The following PPP3CB variants were observed in gnomAD, a reference collection of about 807,000 sequenced individuals.
PPP3CB encodes the protein serine/threonine-protein phosphatase 2B catalytic subunit beta isoform.
A neutral mutation model predicts 66.4 loss-of-function variants in PPP3CB; 8 were observed. The observed-to-expected ratio is 0.12, with a 90% confidence interval of 0.07 to 0.22. PPP3CB has a LOEUF of 0.22. Ranked by LOEUF, PPP3CB falls within the 10% of genes least tolerant of loss-of-function variation. The probability of loss-of-function intolerance (pLI) is 1.00; values close to 1 mark genes in which losing one functional copy is unlikely to be tolerated. For missense variants in PPP3CB, 319 were observed against 642.5 expected, an observed-to-expected ratio of 0.50 and a Z score of 5.44; for synonymous variants, 208 against 221.2, an observed-to-expected ratio of 0.94 and a Z score of 0.53.
chr10:73,487,709 G>T (rs1241620448), intron 1 of PPP3CB, among the ~76,000 whole-genome samples: 1 of 151,446 alleles, frequency 6.6e-6, no homozygotes, highest in Admixed American at 6.6e-5. Context: ...TTTATTCATA[G>T]TTGACCAAGT....
intron 10 of PPP3CB, among the ~76,000 whole-genome samples, chr10:73,449,293 G>A (rs911829901): frequency 6.6e-6 from 1 of 152,170 alleles, no homozygotes; most frequent in Non-Finnish European, 1.5e-5. Flanking sequence ...TCCTAAATCT[G>A]AATTGCAGAA....
chr10:73,483,603 G>A (rs1009643965), intron 1 of PPP3CB, among the ~76,000 whole-genome samples: 10 of 152,058 alleles, frequency 6.6e-5, no homozygotes, highest in Admixed American at 5.9e-4. Context: ...GTTGCAGTGG[G>A]CCGAGATCAT....
chr10:73,487,927 C>T (rs1188731854), intron 1 of PPP3CB, among the ~76,000 whole-genome samples: 3 of 151,756 alleles, frequency 2.0e-5, no homozygotes, highest in Non-Finnish European at 4.4e-5. Context: ...ATTACAGGCG[C>T]CCACCATCAC....
intron 13 of PPP3CB, among the ~76,000 whole-genome samples, chr10:73,439,656 A>T (rs1036354356): frequency 3.3e-5 from 5 of 152,182 alleles, no homozygotes; most frequent in Non-Finnish European, 7.3e-5. Context: ...ATTACACCGG[A>T]AAGAAGAAAA....
At chr10:73,457,826 T>C (rs1024792219) in intron 9 of PPP3CB, among the ~76,000 whole-genome samples, 4 of 151,520 alleles carry the variant, frequency 2.6e-5, no homozygotes, top group African/African-American at 9.7e-5. Flanking sequence ...GACTTGCATA[T>C]AGAATATCTA....
intron 10 of PPP3CB, among the ~76,000 whole-genome samples, chr10:73,449,232 C>A (rs1051714200): frequency 6.6e-6 from 1 of 152,174 alleles, no homozygotes; most frequent in Non-Finnish European, 1.5e-5. Flanking sequence ...CACCCCCTCC[C>A]AACGAAGGAA....
chr10:73,445,983 G>A (rs529278831), intron 11 of PPP3CB, among the ~76,000 whole-genome samples: 4 of 151,892 alleles, frequency 2.6e-5, no homozygotes, highest in South Asian at 2.1e-4. Context: ...TCTTGACCTC[G>A]TGATCCACCT....
At chr10:73,480,442 T>C (rs1367610578) in intron 1 of PPP3CB, among the ~76,000 whole-genome samples, 1 of 128,488 alleles carries the variant, frequency 7.8e-6, no homozygotes, top group Non-Finnish European at 1.6e-5. Context: ...TCCCTGTAAT[T>C]TTTTTTTTTT....
chr10:73,494,650 T>TA (rs563632482), intron 1 of PPP3CB, among the ~76,000 whole-genome samples: 1,594 of 140,902 alleles, frequency 0.011, 24 homozygotes, highest in African/African-American at 0.037. Context: ...AATTTTTAAT[T>TA]AAAAAAAAAA....
At chr10:73,492,798 A>G (rs965639059) in intron 1 of PPP3CB, among the ~76,000 whole-genome samples, 1 of 152,186 alleles carries the variant, frequency 6.6e-6, no homozygotes, top group African/African-American at 2.4e-5. Flanking sequence ...TTTAGTGACA[A>G]GCTCATCACA....
intron 1 of PPP3CB, among the ~76,000 whole-genome samples, chr10:73,484,433 G>C (rs958039108): frequency 2.6e-5 from 4 of 151,918 alleles, no homozygotes; most frequent in African/African-American, 9.6e-5. Context: ...ACCACGCCCA[G>C]CTAATGTTTT....
intron 12 of PPP3CB, 80 bp from the exon 13 acceptor site, chr10:73,439,981 A>T (rs1181181596): frequency 5.1e-6 from 7 of 1,369,638 alleles, no homozygotes; most frequent in Non-Finnish European, 7.3e-6. Flanking sequence ...AAAGGCAATG[A>T]TCACTTAAAA....
intron 1 of PPP3CB, among the ~76,000 whole-genome samples, chr10:73,490,368 T>C (rs1589721988): frequency 6.6e-6 from 1 of 152,376 alleles, no homozygotes; most frequent in East Asian, 1.9e-4. Context: ...ACCAAGTCTG[T>C]ATTTTATATT....
chr10:73,470,297 G>A (rs1234015950), intron 8 of PPP3CB, among the ~76,000 whole-genome samples: 2 of 152,084 alleles, frequency 1.3e-5, no homozygotes, highest in Non-Finnish European at 2.9e-5. Context: ...CATAAAACAA[G>A]AAACATGATA....
At chr10:73,474,278 T>C (rs942109245) in intron 4 of PPP3CB, among the ~76,000 whole-genome samples, 6 of 151,636 alleles carry the variant, frequency 4.0e-5, no homozygotes, top group African/African-American at 1.5e-4. Flanking sequence ...TGACCTCAGG[T>C]GATCCACCCG....
chr10:73,495,318 G>A (rs1402213592), intron 1 of PPP3CB, among the ~76,000 whole-genome samples: 1 of 152,198 alleles, frequency 6.6e-6, no homozygotes, highest in Non-Finnish European at 1.5e-5. Context: ...TGCGGTTGTC[G>A]CCAGCTAGAC....
rs185986845 is a variant in PPP3CB at position 73,485,339 on chromosome 10, G to C, written c.86-5822C>G. On this transcript the variant is annotated intron_variant, in intron 1 of 13. Coordinates refer to ENST00000360663, the MANE Select transcript of PPP3CB (RefSeq NM_021132.4). The stretch of plus-strand genomic sequence containing the variant: ...AGACTGATCAGGAATTGGGAAAAAG[G>C]GGGTGGTGGTACAGAGATCTTCTTA... Among the ~76,000 whole-genome samples the C allele has an allele frequency of 2.6e-3, 399 of 152,304 alleles. 2 individuals carry two copies. Among genetic ancestry groups the C allele is most frequent in the African/African-American group, 9.1e-3 (379 of 41,548 alleles).
At chr10:73,448,331 G>GGAATT (rs2056292266) in intron 10 of PPP3CB, among the ~76,000 whole-genome samples, 2 of 152,034 alleles carry the variant, frequency 1.3e-5, no homozygotes, top group Non-Finnish European at 2.9e-5. Flanking sequence ...AAAGTAAATG[G>GGAATT]TCACAGTAAC....
At chr10:73,475,087 C>T (rs1473832128) in intron 3 of PPP3CB, 57 bp from the exon 4 acceptor site, 9 of 1,570,546 alleles carry the variant, frequency 5.7e-6, no homozygotes, top group Non-Finnish European at 7.8e-6. Flanking sequence ...AATGAAGCTG[C>T]TTGATCTTTG....
Sources: allele counts gnomAD v4.1 joint callset (sites outside exome capture counted in the v4.1 genomes callset), GRCh38; gene constraint gnomAD v4.1.1; transcripts MANE v1.5; gene names NCBI Gene and HGNC (gene_info 2026-07-23, HGNC 2026-07-21).